IVNS1ABP: variants seen among roughly 807,000 people sequenced by gnomAD.
The protein encoded by IVNS1ABP is influenza virus NS1A binding protein, also known as influenza virus NS1A-binding protein.
In IVNS1ABP, 25 loss-of-function variants were observed where a neutral mutation model predicts 78.9. The observed-to-expected ratio is 0.32, with a 90% CI of 0.23 to 0.44. The LOEUF is 0.44. Ranked by LOEUF, IVNS1ABP falls within the 20% of genes least tolerant of loss-of-function variation. IVNS1ABP has a pLI of 1.00. For missense variants in IVNS1ABP, 494 were observed against 768.9 expected (o/e 0.64, Z 4.23); for synonymous variants, 241 against 259.7 (o/e 0.93, Z 0.69).
intron 1 of IVNS1ABP, among the ~76,000 whole-genome samples, chr1:185,314,645 G>T (rs1666001635): frequency 6.6e-6 from 1 of 152,176 alleles, no homozygotes; most frequent in Admixed American, 6.5e-5. Context: ...AAGTGTGGGG[G>T]ATGGTCTAGA....
At chr1:185,316,019 T>C (rs1666008410) in intron 1 of IVNS1ABP, among the ~76,000 whole-genome samples, 1 of 152,138 alleles carries the variant, frequency 6.6e-6, no homozygotes, top group Admixed American at 6.5e-5. Flanking sequence ...AAAAAGTAAA[T>C]GTAGTTCTCA....
chr1:185,306,505 C>T, intron 7 of IVNS1ABP: 1 of 1,289,552 alleles, frequency 7.8e-7, no homozygotes. Context: ...TCATCGTTCT[C>T]TGCCCACAGC....
chr1:185,307,529 A>C lies in IVNS1ABP; in HGVS notation c.491T>G (p.Ile164Ser). The C allele has an allele frequency of 6.2e-7, 1 of 1,613,352 alleles. No individual in the cohort carries two copies. The highest frequency in any genetic ancestry group is 8.5e-7 in the Non-Finnish European group (1 of 1,179,614). ...DAYIQEHLLQ[I>S]SEEEEFLKLP... ...CTTAAGAAACTCCTCCTCTTCAGAA[A>C]TTTGTAACAAATGCTCCTGAATATA... Residue 164 changes from isoleucine to serine, a missense_variant, in exon 6 of 15, where the codon ATT (isoleucine) becomes AGT (serine). By Grantham distance (142) the Ile-to-Ser change is moderately radical (BLOSUM62 -2). Transcript: ENST00000367498.
At position 185,307,541 on chromosome 1, in the gene IVNS1ABP, T is replaced by C. The variant is rs767467792; in HGVS notation, c.479A>G (p.His160Arg). ...LNKVDAYIQE[H>R]LLQISEEEEF... ...CTCCTCTTCAGAAATTTGTAACAAATGCTCCTGAATATAAGCATCAACCTT... is the reference window on the plus strand; with the variant it reads ...CTCCTCTTCAGAAATTTGTAACAAACGCTCCTGAATATAAGCATCAACCTT... The change falls in exon 6 of 15, where the codon CAT becomes CGT. Residue 160 changes from histidine to arginine, a missense_variant. By Grantham distance (29) the His-to-Arg change is conservative (BLOSUM62 0). Coordinates refer to ENST00000367498, the MANE Select transcript of IVNS1ABP (RefSeq NM_006469.5). 1 of 1,613,540 alleles carries C rather than the reference T, an allele frequency of 6.2e-7. No homozygotes were observed. Among genetic ancestry groups the C allele is most frequent in the Non-Finnish European group, 8.5e-7 (1 of 1,179,688 alleles).
chr1:185,307,112 A>G lies in IVNS1ABP; in HGVS notation c.559T>C (p.Cys187Arg). 6.2e-7 allele frequency: 1 copy of G among 1,613,496 alleles called. No homozygotes were observed. The highest frequency in any genetic ancestry group is 8.5e-7 in the Non-Finnish European group (1 of 1,179,528). Residue 187 changes from cysteine to arginine, a missense_variant, in exon 7 of 15, where the codon TGC becomes CGC. Coordinates refer to ENST00000367498, the MANE Select transcript of IVNS1ABP (RefSeq NM_006469.5). The stretch of plus-strand genomic sequence containing the variant: ...TATAATTTGCCATTGCTGGGCAAGC[A>G]AACATTATCTTCAAGCATTACCTCC... ...KLEVMLEDNV[C>R]LPSNGKLYTK... is the part of the protein sequence containing the mutation.
intron 6 of IVNS1ABP, 80 bp downstream of exon 6, chr1:185,307,409 C>T: frequency 9.2e-7 from 1 of 1,092,486 alleles, no homozygotes; most frequent in East Asian, 2.4e-5. Flanking sequence ...ATAATCATTA[C>T]TCACTTGCTT....
At position 185,299,711 on chromosome 1, in the gene IVNS1ABP, A is replaced by C. The variant is rs757316614; in HGVS notation, c.1674T>G (p.Asn558Lys). The C allele has an allele frequency of 6.2e-7, 1 of 1,613,646 alleles. No homozygotes were observed. The highest frequency in any genetic ancestry group is 1.1e-5 in the South Asian group (1 of 91,082). ...ARRGAGVAVL[N>K]GKLFVCGGFD... is the part of the protein sequence containing the mutation. ...ACCTCTCCAAATCCCAACACTCACCATTAAGAACAGCCACTCCAGCTCCTC... is the reference window on the plus strand; with the variant it reads ...ACCTCTCCAAATCCCAACACTCACCCTTAAGAACAGCCACTCCAGCTCCTC... The change falls in exon 14 of 15, where the codon AAT becomes AAG. Residue 558 changes from asparagine (N) to lysine (K), a missense_variant and splice_region_variant. Transcript: ENST00000367498.
Position 185,305,714 on chromosome 1 carries a change from C to T in IVNS1ABP, c.658-71G>A, listed in dbSNP as rs532795630. The T allele has an allele frequency of 6.4e-6, 10 of 1,554,024 alleles. No homozygotes were observed. Among genetic ancestry groups the T allele is most frequent in the East Asian group, 2.3e-5 (1 of 43,332 alleles). ...CTACTCCACTAGTATGCAGATTACA[C>T]AAACGCCTCAAGGTAACCTCCAGTG... On this transcript the variant is annotated intron_variant, in intron 7 of 14. Coordinates refer to ENST00000367498, the MANE Select transcript of IVNS1ABP (RefSeq NM_006469.5). The surrounding 1 kb of genome is among the most constrained non-coding windows in gnomAD (Gnocchi z 4.0).
At chr1:185,306,871 CCT>C (rs1480448438) in intron 7 of IVNS1ABP, 141 bp downstream of exon 7, 46 of 880,024 alleles carry the variant, frequency 5.2e-5, no homozygotes, top group Middle Eastern at 3.1e-4. Context: ...GGACACCCCC[CCT>C]GTTTCTCAGC....
At position 185,300,876 on chromosome 1, in the gene IVNS1ABP, C is replaced by T. The variant is rs565919080; in HGVS notation, c.1120+96G>A. 2.3e-5 allele frequency: 20 copies of T among 879,960 alleles called. 2 individuals are homozygous for T. The highest frequency in any genetic ancestry group is 2.2e-4 in the African/African-American group (13 of 59,888). The allele number at this position is 879,960 out of a possible 1,614,324, so 54.5% of individuals were successfully genotyped here. On this transcript the variant is annotated intron_variant, in intron 10 of 14. Transcript: ENST00000367498. ...TTATTTCCCTATCTTATTGGATTGC[C>T]GTGAAAGATGGCATATTAAACCCTC... is the stretch of plus-strand genomic sequence containing the variant.
At chr1:185,299,940 C>T (rs1391661616) in intron 13 of IVNS1ABP, 57 bp from the exon 14 acceptor site, 2 of 1,608,342 alleles carry the variant, frequency 1.2e-6, no homozygotes, top group East Asian at 2.2e-5. Flanking sequence ...TAAGTGTATA[C>T]TACACATACT....
rs767864809 is a variant in IVNS1ABP at position 185,309,451 on chromosome 1, T to G, written c.43A>C (p.Ile15Leu). The G allele has an allele frequency of 1.2e-6, 2 of 1,612,862 alleles. No individual in the cohort carries two copies. The highest frequency in any genetic ancestry group is 1.7e-6 in the Non-Finnish European group (2 of 1,179,090). The change falls in exon 3 of 15, where the codon ATT (isoleucine) becomes CTT (leucine). Residue 15 changes from isoleucine (I) to leucine (L), a missense_variant. By Grantham distance (5) the Ile-to-Leu change is conservative. Transcript: ENST00000367498. ...GYLMFEDENF[I>L]ESSVAKLNAL... ...TTTAATTTGGCAACAGAAGACTCAA[T>G]AAAATTTTCATCCTCAAACATCAAA...
At chr1:185,302,872 G>T (rs952283980) in intron 8 of IVNS1ABP, among the ~76,000 whole-genome samples, 8 of 151,990 alleles carry the variant, frequency 5.3e-5, no homozygotes, top group African/African-American at 1.9e-4. Flanking sequence ...CTAAAATAAA[G>T]ATTAGGAATT....
In IVNS1ABP at chr1:185,317,064, G is replaced by C. The variant is rs1362003637; in HGVS notation, c.-358C>G. On this transcript the variant is annotated 5_prime_UTR_variant, in exon 1 of 15. Coordinates refer to ENST00000367498, the MANE Select transcript of IVNS1ABP (RefSeq NM_006469.5). ...AAAGCGCCAGAAGGCGGCGGAAGACGGGAGCGGTCAAGTAGAAGGACGAGG... is the reference window on the plus strand; with the variant it reads ...AAAGCGCCAGAAGGCGGCGGAAGACCGGAGCGGTCAAGTAGAAGGACGAGG... 1.5e-5 allele frequency: 6 copies of C among 398,824 alleles called. No homozygotes were observed. Among genetic ancestry groups the C allele is most frequent in the East Asian group, 1.1e-4 (3 of 28,072 alleles). 24.7% of individuals were successfully genotyped at this position (398,824 alleles called of 1,614,324 possible).
rs143075772 is a variant in IVNS1ABP, at chr1:185,308,831, G to A, written c.326C>T (p.Ala109Val). ...KELVKDVYSA[A>V]KKLKMDRVKQ... ...TACTCGATCCATCTTCAGCTTTTTT[G>A]CTGCAGAATAAACATCTTTTACCAA... The change falls in exon 5 of 15, where the codon GCA becomes GTA. Residue 109 changes from alanine (A) to valine (V), a missense_variant. Ala to Val is a moderately conservative substitution (Grantham distance 64). Transcript: ENST00000367498. 6.2e-7 allele frequency: 1 copy of A among 1,608,678 alleles called. No individual in the cohort carries two copies.
intron 11 of IVNS1ABP, 36 bp from the exon 12 acceptor site, chr1:185,300,379 C>A (rs1665542187): frequency 6.2e-7 from 1 of 1,613,342 alleles, no homozygotes; most frequent in Non-Finnish European, 8.5e-7. Flanking sequence ...TTTCTAACAT[C>A]CTGAAGTTAC....
intron 1 of IVNS1ABP, among the ~76,000 whole-genome samples, chr1:185,313,242 A>T (rs759872850): frequency 6.6e-6 from 1 of 152,214 alleles, no homozygotes; most frequent in South Asian, 2.1e-4. Context: ...TGAGTTTTGC[A>T]GTAAAATGAA....
intron 8 of IVNS1ABP, among the ~76,000 whole-genome samples, chr1:185,304,367 A>G (rs1665683135): frequency 1.3e-5 from 2 of 152,164 alleles, no homozygotes; most frequent in African/African-American, 4.8e-5. Flanking sequence ...AAGGGGGAAA[A>G]TATCCTCAAT....
At position 185,300,064 on chromosome 1, in the gene IVNS1ABP, A is replaced by G; in HGVS notation, c.1436T>C (p.Leu479Pro). 1 of 1,613,582 alleles carries G rather than the reference A, an allele frequency of 6.2e-7. No homozygotes were observed. The change falls in exon 13 of 15, where the codon CTG becomes CCG. Residue 479 changes from leucine to proline, a missense_variant. Coordinates refer to ENST00000367498, the MANE Select transcript of IVNS1ABP (RefSeq NM_006469.5). ...GGSDPYGQKG[L>P]KNCDVFDPVT... is the part of the protein sequence containing the mutation. ...AGGATCAAATACATCACAATTTTTCAGTCCTTTTTGACCATATGGATCAGA... is the reference window on the plus strand; with the variant it reads ...AGGATCAAATACATCACAATTTTTCGGTCCTTTTTGACCATATGGATCAGA...
Sources: allele counts gnomAD v4.1 joint callset (sites outside exome capture counted in the v4.1 genomes callset), GRCh38; gene constraint gnomAD v4.1.1; non-coding constraint Gnocchi (gnomAD v3.1); transcripts MANE v1.5; gene names NCBI Gene and HGNC (gene_info 2026-07-23, HGNC 2026-07-21).